The following GPAT2 variants were observed in gnomAD, a reference collection of about 807,000 sequenced individuals.
GPAT2 encodes 1-acylglycerol-3-phosphate O-acyltransferase GPAT2.
GPAT2 carries 51 observed loss-of-function variants against 71.0 expected under a neutral mutation model. The observed-to-expected ratio is 0.72, with a 90% CI of 0.57 to 0.91. The LOEUF (loss-of-function observed/expected upper bound fraction) is 0.91, where lower values mean the gene tolerates loss of function less well. Among genes scored for constraint, GPAT2 ranks in the 40% least tolerant of loss-of-function variants. The pLI, the probability that GPAT2 is intolerant of heterozygous loss-of-function variation, is 0.00. For synonymous variants in GPAT2, 222 were observed against 290.3 expected (o/e 0.76, Z 2.39); for missense variants, 511 against 666.0 (o/e 0.77, Z 2.56).
chr2:96,024,965 C>T (rs553255564), intron 13 of GPAT2, 122 bp from the exon 14 acceptor site: 52 of 1,120,710 alleles, frequency 4.6e-5, no homozygotes, highest in East Asian at 4.5e-4. Flanking sequence ...GAGGAACGTA[C>T]ACCCGGAGCA....
chr2:96,025,392 C>T (rs1680286038), intron 13 of GPAT2, 93 bp downstream of exon 13: 1 of 1,466,738 alleles, frequency 6.8e-7, no homozygotes, highest in Admixed American at 2.5e-5. Context: ...CAGGTGCAGA[C>T]ACTTGGAATG....
intron 11 of GPAT2, 34 bp from the exon 12 acceptor site, chr2:96,026,046 G>A (rs561071687): frequency 2.5e-5 from 40 of 1,608,408 alleles, no homozygotes; most frequent in Middle Eastern, 3.9e-4. Context: ...TGGCCTGCTC[G>A]GGCCCACCAG....
In GPAT2 at chr2:96,024,352, T is replaced by C; in HGVS notation, c.1688-15A>G. ...CACTGCACAGGCTGGGGGCGGAGGG[T>C]CCATTATGAAGAAGGAGCCGTTCCC... On this transcript the variant is annotated splice_polypyrimidine_tract_variant and intron_variant, in intron 15 of 21. Coordinates refer to ENST00000434632, the MANE Select transcript of GPAT2 (RefSeq NM_001321527.2). 1.3e-6 allele frequency: 2 copies of C among 1,597,362 alleles called. No individual in the cohort carries two copies. The highest frequency in any genetic ancestry group is 1.7e-6 in the Non-Finnish European group (2 of 1,169,238).
Position 96,026,682 on chromosome 2 carries a change from G to A in GPAT2, c.1032+15C>T. ...ACCTAGGGGCCCAAGGGGCTGGAAG[G>A]TCTCACATTCTCACATGGTCTATGT... On this transcript the variant is annotated intron_variant, in intron 10 of 21. Coordinates refer to ENST00000434632, the MANE Select transcript of GPAT2 (RefSeq NM_001321527.2). 7.1e-6 allele frequency: 1 copy of A among 141,200 alleles called. No homozygotes were observed. Among genetic ancestry groups the A allele is most frequent in the Admixed American group, 1.6e-4 (1 of 6,134 alleles). The allele number at this position is 141,200 out of a possible 1,614,324, so 8.7% of individuals were successfully genotyped here. A position where few individuals can be genotyped will look rare whatever the true frequency, so the allele number is the denominator to read the frequency against.
Position 96,025,537 on chromosome 2 carries a change from G to A in GPAT2, c.1305C>T (p.Leu435=), listed in dbSNP as rs752924014. The change falls in exon 13 of 22, where the codon CTC becomes CTT. Residue 435 remains leucine (L), a synonymous_variant. Coordinates refer to ENST00000434632, the MANE Select transcript of GPAT2 (RefSeq NM_001321527.2). ...TGACCAGGAGCTGGTCCTCTTCCTT[G>A]AGGGCCAGGAGAGGCCCAGTTATGG... ...WTPITGPLLA[L]KEEDQLLVRR... is the part of the protein sequence containing the mutation. 2 of 1,562,078 alleles carry A rather than the reference G, an allele frequency of 1.3e-6. No individual in the cohort carries two copies. Among genetic ancestry groups the A allele is most frequent in the South Asian group, 2.4e-5 (2 of 84,252 alleles).
rs1346884028 is a variant in GPAT2, at chr2:96,024,441, C to T, written c.1673G>A (p.Ser558Asn). The T allele has an allele frequency of 6.2e-7, 1 of 1,613,714 alleles. No homozygotes were observed. Among genetic ancestry groups the T allele is most frequent in the African/African-American group, 1.3e-5 (1 of 74,914 alleles). ...LSAELLPVFL[S>N]EAVGACAVRG... ...TCAAGACTCACCGCCCACAGCCTCG[C>T]TCAGGAAGACGGGCAGCAGCTCAGC... The change falls in exon 15 of 22, where the codon AGC becomes AAC. Residue 558 changes from serine (S) to asparagine (N), a missense_variant. Physicochemically the swap from Ser to Asn is conservative, Grantham distance 46. Around this residue, in one of 7 missense-constraint regions of GPAT2, gnomAD observed 295 missense variants for 305.5 expected, o/e 0.97. Transcript: ENST00000434632.
Position 96,024,242 on chromosome 2 carries a change from G to A in GPAT2, c.1783C>T (p.Arg595Cys), listed in dbSNP as rs774022751. 23 of 1,552,106 alleles carry A rather than the reference G, an allele frequency of 1.5e-5. No individual in the cohort carries two copies. The highest frequency in any genetic ancestry group is 3.8e-5 in the Admixed American group (2 of 53,100). Residue 595 changes from arginine (R) to cysteine (C), a missense_variant, in exon 16 of 22, where the codon CGC becomes TGC. By Grantham distance (180) the Arg-to-Cys change is radical (BLOSUM62 -3). Around this residue, in one of 7 missense-constraint regions of GPAT2, gnomAD observed 295 missense variants for 305.5 expected, o/e 0.97. Transcript: ENST00000434632. ...ILLLSQNELY[R>C]QILLLMHLLP... ...AGGTGCATCAGCAGCAGGATCTGGC[G>A]GTACAGCTCATTCTGGCTCAGCAGC...
In GPAT2 at chr2:96,024,538, G is replaced by T; in HGVS notation, c.1576C>A (p.Arg526Ser). 1.9e-6 allele frequency: 3 copies of T among 1,613,848 alleles called. No individual in the cohort carries two copies. Among genetic ancestry groups the T allele is most frequent in the Non-Finnish European group, 2.5e-6 (3 of 1,179,942 alleles). ...SLLRAHVALL[R>S]IRQGDLLVVP... ...ACCAGCAAGTCACCCTGACGGATGCGCAGCAGGGCCACGTGCGCCCGCAGC... is the reference window on the plus strand; with the variant it reads ...ACCAGCAAGTCACCCTGACGGATGCTCAGCAGGGCCACGTGCGCCCGCAGC... The change falls in exon 15 of 22, where the codon CGC becomes AGC. Residue 526 changes from arginine to serine, a missense_variant. This residue lies in a region of GPAT2 where 295 missense variants were observed against 305.5 expected (regional missense o/e 0.97). Coordinates refer to ENST00000434632, the MANE Select transcript of GPAT2 (RefSeq NM_001321527.2).
Position 96,023,197 on chromosome 2 carries a change from GA to G in GPAT2, c.2075del (p.Phe692SerfsTer71), listed in dbSNP as rs1457326132. On this transcript the variant is annotated frameshift_variant, in exon 19 of 22. Transcript: ENST00000434632. LOFTEE classifies it high-confidence loss of function. The stretch of plus-strand genomic sequence containing the variant: ...TGAGCAGGCGGCAGAGGAAAAGAAA[GA>G]AATCTGGGCAGTGTGACTGCTGGCT... ...RLSQQSHCPDFFLFLCRLLSP... is the reference protein window; with the variant it reads ...RLSQQSHCPDXFLFLCRLLSP... The G allele has an allele frequency of 6.2e-7, 1 of 1,603,106 alleles. No individual in the cohort carries two copies. The highest frequency in any genetic ancestry group is 8.5e-7 in the Non-Finnish European group (1 of 1,174,996).
At chr2:96,022,591 C>T (rs1679802193) in intron 21 of GPAT2, 77 bp downstream of exon 21, 4 of 1,434,234 alleles carry the variant, frequency 2.8e-6, no homozygotes, top group Non-Finnish European at 3.0e-6. Context: ...GTGATGGGGA[C>T]ATAGCTGGGT....
At position 96,022,675 on chromosome 2, in the gene GPAT2, T is replaced by C. The variant is rs375367368; in HGVS notation, c.2282A>G (p.Asp761Gly). Residue 761 changes from aspartate to glycine, a missense_variant, in exon 21 of 22, where the codon GAC (aspartate) becomes GGC (glycine). Asp to Gly is a moderately conservative substitution (Grantham distance 94, BLOSUM62 -1). Coordinates refer to ENST00000434632, the MANE Select transcript of GPAT2 (RefSeq NM_001321527.2). ...GACAGTGGCTCCTCTCACCCCTAGG[T>C]CTCTGAAGGTCCAGACAGCACTGAT... Reference protein sequence around the residue: ...LAISAVWTFRDLGVLQQTPSP... With the variant: ...LAISAVWTFRGLGVLQQTPSP... The C allele has an allele frequency of 2.7e-5, 43 of 1,613,804 alleles. 1 individual carries two copies. The highest frequency in any genetic ancestry group is 3.6e-5 in the Non-Finnish European group (43 of 1,179,822).
At chr2:96,025,062 C>T (rs1299984426) in intron 13 of GPAT2, 5 of 619,090 alleles carry the variant, frequency 8.1e-6, no homozygotes, top group African/African-American at 7.4e-5. Context: ...CACATCAACC[C>T]ACAGCCTCTA....
In GPAT2 at chr2:96,025,588, G is replaced by A. The variant is rs1217676252; in HGVS notation, c.1254C>T (p.Asp418=). 6.4e-7 allele frequency: 1 copy of A among 1,573,886 alleles called. No individual in the cohort carries two copies. The highest frequency in any genetic ancestry group is 8.6e-7 in the Non-Finnish European group (1 of 1,162,192). Residue 418 remains aspartate, a synonymous_variant, in exon 13 of 22, where the codon GAC becomes GAT. Coordinates refer to ENST00000434632, the MANE Select transcript of GPAT2 (RefSeq NM_001321527.2). ...GGGTCCACTCCTGCTCCTTCTCAGT[G>A]TCTGGGACAGCAGTACTGAGATAGA... The part of the protein sequence containing the change: ...IVLGQCTAVP[D]TEKEQEWTPI...
chr2:96,024,153 G>A, intron 16 of GPAT2, 36 bp downstream of exon 16: 4 of 1,492,738 alleles, frequency 2.7e-6, no homozygotes, highest in Non-Finnish European at 3.6e-6. Context: ...AAGAGGGGAA[G>A]GCCTAGGACC....
At position 96,030,421 on chromosome 2, in the gene GPAT2, CG is replaced by C; in HGVS notation, c.469del (p.Arg157ValfsTer13). The C allele has an allele frequency of 5.6e-6, 3 of 540,010 alleles. No individual in the cohort carries two copies. The highest frequency in any genetic ancestry group is 3.4e-5 in the Admixed American group (1 of 29,808). 33.5% of individuals were successfully genotyped at this position (540,010 alleles called of 1,614,324 possible). A position where few individuals can be genotyped will look rare whatever the true frequency, so the allele number is the denominator to read the frequency against. ...GCCCAGTTACCTGACCAGGAAGGGA[CG>C]GGGTGGGGCCTGGATGTGACCCAGG... ...RILGHIQAPPRPFLVRLFSWA... is the reference protein window; with the variant it reads ...RILGHIQAPPXPFLVRLFSWA... On this transcript the variant is annotated frameshift_variant, in exon 6 of 22. Transcript: ENST00000434632. LOFTEE classifies it high-confidence loss of function.
At chr2:96,033,891 C>T (rs1680835651) in intron 1 of GPAT2, among the ~76,000 whole-genome samples, 1 of 139,660 alleles carries the variant, frequency 7.2e-6, no homozygotes, top group Admixed American at 7.3e-5. Flanking sequence ...TGCCAGTTAA[C>T]AACACAGCTC....
At position 96,024,550 on chromosome 2, in the gene GPAT2, C is replaced by A. The variant is rs536551010; in HGVS notation, c.1564G>T (p.Val522Leu). ...CCCTGACGGATGCGCAGCAGGGCCA[C>A]GTGCGCCCGCAGCAGGCTCAGTGAG... is the stretch of plus-strand genomic sequence containing the variant. The part of the protein sequence containing the change: ...QHSLSLLRAH[V>L]ALLRIRQGDL... The change falls in exon 15 of 22, where the codon GTG (valine) becomes TTG (leucine). Residue 522 changes from valine (V) to leucine (L), a missense_variant. This residue lies in a region of GPAT2 where 295 missense variants were observed against 305.5 expected (regional missense o/e 0.97). Transcript: ENST00000434632. The A allele has an allele frequency of 1.9e-6, 3 of 1,613,898 alleles. No homozygotes were observed. The highest frequency in any genetic ancestry group is 2.2e-5 in the South Asian group (2 of 91,084).
chr2:96,023,942 C>A lies in GPAT2; in HGVS notation c.1895G>T (p.Gly632Val), dbSNP rs767427258. 6.2e-7 allele frequency: 1 copy of A among 1,603,912 alleles called. No homozygotes were observed. The highest frequency in any genetic ancestry group is 1.3e-5 in the African/African-American group (1 of 74,810). Residue 632 changes from glycine (G) to valine (V), a missense_variant, in exon 17 of 22, where the codon GGG becomes GTG. By Grantham distance (109) the Gly-to-Val change is moderately radical. This residue lies in a region of GPAT2 where 295 missense variants were observed against 305.5 expected (regional missense o/e 0.97). Coordinates refer to ENST00000434632, the MANE Select transcript of GPAT2 (RefSeq NM_001321527.2). ...QEVLDRLIQC[G>V]LLVAEETPGS... Reference sequence around the variant, plus strand: ...GCCTACCTCCTCAGCAACCAGGAGCCCGCATTGGATGAGCCGGTCCAGCAC... The same window carrying A: ...GCCTACCTCCTCAGCAACCAGGAGCACGCATTGGATGAGCCGGTCCAGCAC...
rs915425248 is a variant in GPAT2, at chr2:96,026,224, T to G, written c.1114A>C (p.Ile372Leu). Residue 372 changes from isoleucine to leucine, a missense_variant, in exon 11 of 22, where the codon ATC (isoleucine) becomes CTC (leucine). By Grantham distance (5) the Ile-to-Leu change is conservative (BLOSUM62 2). Coordinates refer to ENST00000434632, the MANE Select transcript of GPAT2 (RefSeq NM_001321527.2). ...TGAGCTAGGTGCACCCGGGAGCAGA[T>G]CCGGTGGCTGCAGCCCCAGCGGCTC... is the stretch of plus-strand genomic sequence containing the variant. ...LWSRWGCSHR[I>L]CSRVHLAQPF... 4.3e-6 allele frequency: 7 copies of G among 1,611,612 alleles called. No homozygotes were observed. The highest frequency in any genetic ancestry group is 5.9e-6 in the Non-Finnish European group (7 of 1,179,184).
Sources: gnomAD v4.1 joint callset for allele counts (sites outside exome capture counted in the v4.1 genomes callset) on GRCh38, gnomAD v4.1.1 for gene constraint, gnomAD v4.1.1 regional missense constraint, MANE v1.5 for transcripts, NCBI Gene and HGNC (gene_info 2026-07-23, HGNC 2026-07-21) for gene names.